Variants in TTC21B observed in about 807,000 individuals in gnomAD.
TTC21B encodes the protein tetratricopeptide repeat protein 21B.
TTC21B carries 127 observed loss-of-function variants against 175.1 expected under a neutral mutation model. That is an observed-to-expected ratio of 0.73 (90% CI 0.63 to 0.84). TTC21B has a LOEUF of 0.84. Among genes scored for constraint, TTC21B ranks in the 40% least tolerant of loss-of-function variants. TTC21B has a pLI of 0.00. For missense variants in TTC21B, 1,561 were observed against 1,558.3 expected, an observed-to-expected ratio of 1.00 and a Z score of -0.03; for synonymous variants, 524 against 524.5, an observed-to-expected ratio of 1.00 and a Z score of 0.01.
At chr2:165,926,231 A>C (rs764918765) in intron 11 of TTC21B, among the ~76,000 whole-genome samples, 1 of 152,188 alleles carries the variant, frequency 6.6e-6, no homozygotes, top group Non-Finnish European at 1.5e-5. Flanking sequence ...TAGAGGCCCA[A>C]CTACCACTTA....
intron 6 of TTC21B, among the ~76,000 whole-genome samples, chr2:165,933,415 T>C (rs1686985417): frequency 6.6e-6 from 1 of 152,104 alleles, no homozygotes; most frequent in African/African-American, 2.4e-5. Flanking sequence ...CAAACCAGGG[T>C]CAAACATTAC....
Position 165,913,663 on chromosome 2 carries a change from C to T in TTC21B, c.2139-17G>A. 1 of 1,582,540 alleles carries T rather than the reference C, an allele frequency of 6.3e-7. No homozygotes were observed. Among genetic ancestry groups the T allele is most frequent in the African/African-American group, 1.3e-5 (1 of 74,424 alleles). On this transcript the variant is annotated splice_polypyrimidine_tract_variant and intron_variant, in intron 15 of 28. Transcript: ENST00000243344. Reference sequence around the variant, plus strand: ...GCAATTTCTCTGGAAATCAGACCAACATTACTTAGCATATTGAACACAGAT... The same window carrying T: ...GCAATTTCTCTGGAAATCAGACCAATATTACTTAGCATATTGAACACAGAT...
rs1033546085 is a variant in TTC21B, at chr2:165,874,065, G to C, written c.*690C>G. 8 of 152,220 alleles carry C rather than the reference G, an allele frequency of 5.3e-5. No homozygotes were observed. Among genetic ancestry groups the C allele is most frequent in the African/African-American group, 1.9e-4 (8 of 41,538 alleles). 9.4% of individuals were successfully genotyped at this position (152,220 alleles called of 1,614,324 possible). A position where few individuals can be genotyped will look rare whatever the true frequency, so the allele number is the denominator to read the frequency against. ...AACAACACAGAATACAACAAAAACAGGCTGGGTGCGGTGGCTCATGCCTGT... is the reference window on the plus strand; with the variant it reads ...AACAACACAGAATACAACAAAAACACGCTGGGTGCGGTGGCTCATGCCTGT... On this transcript the variant is annotated 3_prime_UTR_variant, in exon 29 of 29. Coordinates refer to ENST00000243344, the MANE Select transcript of TTC21B (RefSeq NM_024753.5).
intron 27 of TTC21B, among the ~76,000 whole-genome samples, chr2:165,876,917 G>A (rs957175749): frequency 2.0e-5 from 3 of 152,164 alleles, no homozygotes; most frequent in African/African-American, 7.2e-5. Context: ...AGTATGGTGA[G>A]AAGACAGAGC....
intron 3 of TTC21B, chr2:165,948,121 T>G (rs1293232139): frequency 6.6e-6 from 1 of 152,176 alleles, no homozygotes; most frequent in Non-Finnish European, 1.5e-5. Flanking sequence ...GCCCATCCAT[T>G]TCTCCTCTCT....
chr2:165,936,137 T>C (rs1173506021), intron 6 of TTC21B, among the ~76,000 whole-genome samples: 1 of 151,736 alleles, frequency 6.6e-6, no homozygotes, highest in Non-Finnish European at 1.5e-5. Flanking sequence ...TGGAACAGGG[T>C]GGAAATCACA....
chr2:165,926,556 C>T (rs1342422163), intron 11 of TTC21B, among the ~76,000 whole-genome samples: 3 of 152,112 alleles, frequency 2.0e-5, no homozygotes, highest in Admixed American at 1.3e-4. Context: ...AACACTCTAC[C>T]ATATTTTCAC....
chr2:165,888,966 T>C (rs1416161616), intron 24 of TTC21B, among the ~76,000 whole-genome samples: 1 of 152,194 alleles, frequency 6.6e-6, no homozygotes, highest in African/African-American at 2.4e-5. Flanking sequence ...GTGGTAAACC[T>C]AGGACCTGAA....
intron 27 of TTC21B, among the ~76,000 whole-genome samples, chr2:165,878,197 A>G (rs1484760425): frequency 6.6e-6 from 1 of 152,236 alleles, no homozygotes; most frequent in Non-Finnish European, 1.5e-5. Flanking sequence ...ACTATATTAT[A>G]ATCACAGAAT....
At chr2:165,902,055 T>G (rs1481683749) in intron 19 of TTC21B, 145 bp from the exon 20 acceptor site, 1 of 744,600 alleles carries the variant, frequency 1.3e-6, no homozygotes, top group Non-Finnish European at 2.2e-6. Context: ...AATGTCTTAT[T>G]GAGATCTCAA....
chr2:165,878,484 T>C (rs1194164135), intron 27 of TTC21B, among the ~76,000 whole-genome samples: 1 of 152,154 alleles, frequency 6.6e-6, no homozygotes, highest in Non-Finnish European at 1.5e-5. Flanking sequence ...TTTCTTTTTT[T>C]CCTCGTATAT....
At chr2:165,896,532 A>G (rs1574076726) in intron 22 of TTC21B, among the ~76,000 whole-genome samples, 1 of 132,742 alleles carries the variant, frequency 7.5e-6, no homozygotes, top group Non-Finnish European at 1.7e-5. Flanking sequence ...CAAAAACTCA[A>G]CTGAACAGAA....
In TTC21B at chr2:165,899,775, T is replaced by G. The variant is rs1559046899; in HGVS notation, c.2863A>C (p.Thr955Pro). 4 of 1,608,758 alleles carry G rather than the reference T, an allele frequency of 2.5e-6. No individual in the cohort carries two copies. The highest frequency in any genetic ancestry group is 3.4e-6 in the Non-Finnish European group (4 of 1,175,260). The stretch of plus-strand genomic sequence containing the variant: ...CTGAAGTTCCTTGGACTGACCATGG[T>G]AGCAGCTTCGTTATCCTGGTCACTC... ...LQSDQDNEAA[T>P]MMMADLMFRK... Residue 955 changes from threonine to proline, a missense_variant, in exon 21 of 29, where the codon ACC (threonine) becomes CCC (proline). Transcript: ENST00000243344.
At chr2:165,905,094 A>G (rs1685684333) in intron 19 of TTC21B, among the ~76,000 whole-genome samples, 1 of 152,202 alleles carries the variant, frequency 6.6e-6, no homozygotes, top group African/African-American at 2.4e-5. Context: ...TGTGTTCCCT[A>G]TAAACAAAGT....
chr2:165,879,946 T>C (rs1684786389), intron 27 of TTC21B: 1 of 152,202 alleles, frequency 6.6e-6, no homozygotes, highest in Non-Finnish European at 1.5e-5. Context: ...GGACTGAAGA[T>C]TGCAATTTAA....
At chr2:165,942,276 G>C (rs550489607) in intron 5 of TTC21B, among the ~76,000 whole-genome samples, 1 of 152,128 alleles carries the variant, frequency 6.6e-6, no homozygotes, top group African/African-American at 2.4e-5. Context: ...TAGCAGACTT[G>C]TTCCCAACAT....
intron 17 of TTC21B, among the ~76,000 whole-genome samples, chr2:165,912,251 T>C (rs1685977393): frequency 6.6e-6 from 1 of 152,162 alleles, no homozygotes; most frequent in African/African-American, 2.4e-5. Context: ...GGTGTAAGAA[T>C]AGCAACTTTA....
chr2:165,901,620 G>T, intron 20 of TTC21B, 102 bp downstream of exon 20: 2 of 1,169,100 alleles, frequency 1.7e-6, no homozygotes, highest in Non-Finnish European at 2.6e-6. Flanking sequence ...ACTGCACCCT[G>T]CCTACATCTT....
intron 12 of TTC21B, among the ~76,000 whole-genome samples, chr2:165,920,086 G>A (rs1686330722): frequency 6.6e-6 from 1 of 152,162 alleles, no homozygotes; most frequent in Non-Finnish European, 1.5e-5. Flanking sequence ...GGTAAGAAGA[G>A]GCTCTTCAGA....
Sources: gnomAD v4.1 joint callset for allele counts (sites outside exome capture counted in the v4.1 genomes callset) on GRCh38, gnomAD v4.1.1 for gene constraint, MANE v1.5 for transcripts, NCBI Gene and HGNC (gene_info 2026-07-23, HGNC 2026-07-21) for gene names.